Variants in EPHA6 observed in about 807,000 individuals in gnomAD.
EPHA6 encodes the protein EPH receptor A6.
EPHA6 carries 50 observed loss-of-function variants against 112.0 expected under a neutral mutation model. The observed-to-expected ratio is 0.45, with a 90% CI of 0.36 to 0.56. EPHA6 has a LOEUF of 0.56. EPHA6 is among the 20% of genes least tolerant of loss of function. EPHA6 has a pLI of 0.00. For synonymous variants in EPHA6, 529 were observed against 490.7 expected (o/e 1.08, Z -1.03); for missense variants, 1,280 against 1,417.4 (o/e 0.90, Z 1.56).
chr3:96,922,328 C>A (rs2039809044), intron 2 of EPHA6, among the ~76,000 whole-genome samples: 1 of 151,940 alleles, frequency 6.6e-6, no homozygotes, highest in African/African-American at 2.4e-5. Context: ...CAAAGATTGT[C>A]AAAGAATGGT....
intron 2 of EPHA6, among the ~76,000 whole-genome samples, chr3:96,888,185 C>T (rs992388474): frequency 6.6e-6 from 1 of 152,142 alleles, no homozygotes; most frequent in Admixed American, 6.5e-5. Flanking sequence ...ACCCCCTGCT[C>T]CTCTCCCATT....
chr3:97,399,348 G>C (rs1235179152), intron 5 of EPHA6, among the ~76,000 whole-genome samples: 1 of 151,510 alleles, frequency 6.6e-6, no homozygotes, highest in African/African-American at 2.4e-5. Flanking sequence ...ATCTGTTGAT[G>C]GATACTTTGA....
intron 10 of EPHA6, among the ~76,000 whole-genome samples, chr3:97,525,978 C>A (rs890116803): frequency 6.6e-6 from 1 of 152,144 alleles, no homozygotes. Flanking sequence ...CTGTCCTAGC[C>A]ATACTGTACA....
intron 5 of EPHA6, chr3:97,244,839 G>A (rs1255932468): frequency 6.5e-6 from 1 of 152,822 alleles, no homozygotes; most frequent in Admixed American, 6.5e-5. Context: ...TCAGAAATCT[G>A]ATGAATTCAG....
intron 7 of EPHA6, among the ~76,000 whole-genome samples, chr3:97,449,206 C>T (rs950605738): frequency 4.6e-5 from 7 of 152,006 alleles, no homozygotes; most frequent in African/African-American, 9.7e-5. Flanking sequence ...ACATTAATTC[C>T]GGGACCTCAA....
At chr3:96,924,453 G>T (rs1027697485) in intron 2 of EPHA6, among the ~76,000 whole-genome samples, 2 of 152,024 alleles carry the variant, frequency 1.3e-5, no homozygotes, top group African/African-American at 4.8e-5. Flanking sequence ...CTTGCCTGTT[G>T]TTGGTGTATA....
At chr3:97,216,612 C>A (rs1443040247) in intron 3 of EPHA6, among the ~76,000 whole-genome samples, 4 of 152,178 alleles carry the variant, frequency 2.6e-5, no homozygotes, top group African/African-American at 9.6e-5. Flanking sequence ...ATTGTTATAT[C>A]AAATGGTAGG....
At chr3:97,106,218 A>T (rs1264523739) in intron 3 of EPHA6, among the ~76,000 whole-genome samples, 2 of 152,086 alleles carry the variant, frequency 1.3e-5, no homozygotes, top group African/African-American at 2.4e-5. Context: ...CATGATGCTA[A>T]CTGGCTTAGT....
rs10559270 is a variant in EPHA6 at position 97,754,084 on chromosome 3, C to CTTTTT, written c.*5400_*5404dup. ...AATGTATAAAAAATAACATTTATAT[C>CTTTTT]TTTTTTTTTTTTTTTTTTTTTGAGA... is the stretch of plus-strand genomic sequence containing the variant. On this transcript the variant is annotated 3_prime_UTR_variant, in exon 18 of 18. Coordinates refer to ENST00000389672, the MANE Select transcript of EPHA6 (RefSeq NM_001080448.3). Among the ~76,000 whole-genome samples the CTTTTT allele has an allele frequency of 2.0e-5, 2 of 102,056 alleles. No homozygotes were observed. The highest frequency in any genetic ancestry group is 4.0e-5 in the Non-Finnish European group (2 of 50,080). The allele number at this position is 102,056 out of a possible 152,430, so 67.0% of individuals were successfully genotyped here.
intron 14 of EPHA6, among the ~76,000 whole-genome samples, chr3:97,673,743 A>G (rs2031087298): frequency 1.3e-5 from 2 of 152,200 alleles, no homozygotes; most frequent in Non-Finnish European, 2.9e-5. Flanking sequence ...CCAGGACTCA[A>G]TGCGCTTCTG....
In EPHA6 at chr3:97,163,549, G is replaced by A. The variant is rs568792659; in HGVS notation, c.1115-62715G>A. 1.3e-3 allele frequency among the ~76,000 whole-genome samples: 200 copies of A among 152,178 alleles called. 1 individual carries two copies. Among genetic ancestry groups the A allele is most frequent in the Non-Finnish European group, 2.1e-3 (140 of 68,006 alleles). Reference sequence around the variant, plus strand: ...TTTGGAATATAGGACACCTCCTTAGGAGTCACAATTTGTACCTTGTCTAGT... The same window carrying A: ...TTTGGAATATAGGACACCTCCTTAGAAGTCACAATTTGTACCTTGTCTAGT... On this transcript the variant is annotated intron_variant, in intron 3 of 17. Coordinates refer to ENST00000389672, the MANE Select transcript of EPHA6 (RefSeq NM_001080448.3).
In EPHA6 at chr3:96,814,674, A is replaced by G; in HGVS notation, c.51A>G (p.Ala17=). The part of the protein sequence containing the change: ...PAARSSPAPQ[A]ASSSEAAAPA... ...CGAGGAGCTCCCCGGCGCCGCAGGC[A>G]GCGTCCTCCTCCGAAGCAGCTGCAC... Residue 17 remains alanine (A), a synonymous_variant, in exon 1 of 18, where the codon GCA becomes GCG. Transcript: ENST00000389672. The G allele has an allele frequency of 1.3e-6, 2 of 1,483,180 alleles. No individual in the cohort carries two copies. Among genetic ancestry groups the G allele is most frequent in the Non-Finnish European group, 9.0e-7 (1 of 1,115,782 alleles). 91.9% of individuals were successfully genotyped at this position (1,483,180 alleles called of 1,614,324 possible).
Position 97,180,241 on chromosome 3 carries a change from G to A in EPHA6, c.1115-46023G>A, listed in dbSNP as rs534268808. On this transcript the variant is annotated intron_variant, in intron 3 of 17. Coordinates refer to ENST00000389672, the MANE Select transcript of EPHA6 (RefSeq NM_001080448.3). Reference sequence around the variant, plus strand: ...CCCTTAAGGCCAAGGTCTCTTGCTTGTCATGAATTCCTCCTGACCTGGTAC... The same window carrying A: ...CCCTTAAGGCCAAGGTCTCTTGCTTATCATGAATTCCTCCTGACCTGGTAC... Among the ~76,000 whole-genome samples, 5 of 152,088 alleles carry A rather than the reference G, an allele frequency of 3.3e-5. No homozygotes were observed. The East Asian group carries it at 9.7e-4, about 30-fold the overall frequency.
intron 14 of EPHA6, among the ~76,000 whole-genome samples, chr3:97,679,257 A>C (rs532475868): frequency 6.6e-6 from 1 of 152,244 alleles, no homozygotes; most frequent in Non-Finnish European, 1.5e-5. Flanking sequence ...ATAATCTGGA[A>C]TCTATTCAAT....
chr3:97,542,669 C>T (rs1176648764), intron 11 of EPHA6, among the ~76,000 whole-genome samples: 1 of 152,218 alleles, frequency 6.6e-6, no homozygotes, highest in Non-Finnish European at 1.5e-5. Flanking sequence ...AGAATCACCA[C>T]ACTGACTTCC....
intron 2 of EPHA6, among the ~76,000 whole-genome samples, chr3:96,885,984 A>G (rs893577099): frequency 2.6e-5 from 4 of 152,156 alleles, no homozygotes; most frequent in East Asian, 1.9e-4. Context: ...GTTTGACCCA[A>G]TGATCATTCA....
chr3:97,597,844 G>C (rs2093607071), intron 12 of EPHA6, among the ~76,000 whole-genome samples: 1 of 152,202 alleles, frequency 6.6e-6, no homozygotes, highest in East Asian at 1.9e-4. Context: ...TAAATTTGAA[G>C]CTCTAGAAAA....
At chr3:97,069,752 A>T (rs2046295979) in intron 3 of EPHA6, among the ~76,000 whole-genome samples, 1 of 152,152 alleles carries the variant, frequency 6.6e-6, no homozygotes, top group Admixed American at 6.6e-5. Context: ...TTTAATAAAT[A>T]TGCTTATATT....
At chr3:97,363,481 G>T (rs1432252246) in intron 5 of EPHA6, among the ~76,000 whole-genome samples, 1 of 151,130 alleles carries the variant, frequency 6.6e-6, no homozygotes, top group Non-Finnish European at 1.5e-5. Flanking sequence ...GTCTCTTTTA[G>T]CAAATCAATG....
Sources: gnomAD v4.1 joint callset for allele counts (sites outside exome capture counted in the v4.1 genomes callset) on GRCh38, gnomAD v4.1.1 for gene constraint, MANE v1.5 for transcripts, NCBI Gene and HGNC (gene_info 2026-07-23, HGNC 2026-07-21) for gene names.